STOML3: variants seen among roughly 807,000 people sequenced by gnomAD.
The protein encoded by STOML3 is stomatin like 3, also known as stomatin-like protein 3.
A neutral mutation model predicts 29.5 loss-of-function variants in STOML3; 31 were observed. That is an observed-to-expected ratio of 1.05 (90% CI 0.79 to 1.42). The LOEUF (loss-of-function observed/expected upper bound fraction) is 1.42. Among genes scored for constraint, STOML3 ranks in the 40% most tolerant of loss-of-function variants. The pLI is 0.00. For synonymous variants in STOML3, 122 were observed against 139.8 expected (o/e 0.87, Z 0.90); for missense variants, 380 against 363.0 (o/e 1.05, Z -0.38).
At chr13:38,977,061 A>G (rs1156969485) in intron 1 of STOML3, among the ~76,000 whole-genome samples, 1 of 152,266 alleles carries the variant, frequency 6.6e-6, no homozygotes, top group African/African-American at 2.4e-5. Flanking sequence ...ATTACATTTT[A>G]TAGGGCTGCC....
chr13:38,967,135 C>T, intron 6 of STOML3, 86 bp from the exon 7 acceptor site: 2 of 1,205,142 alleles, frequency 1.7e-6, no homozygotes, highest in Non-Finnish European at 2.3e-6. Flanking sequence ...ATTGATACCC[C>T]TCTCCCCAGC....
At chr13:38,969,969 A>G (rs1489683689) in intron 5 of STOML3, among the ~76,000 whole-genome samples, 2 of 152,218 alleles carry the variant, frequency 1.3e-5, no homozygotes, top group African/African-American at 4.8e-5. Context: ...CATTTTCAGC[A>G]ACTGCTTTCT....
In STOML3 at chr13:38,976,692, A is replaced by G. The variant is rs1472255070; in HGVS notation, c.156+2T>C. The G allele has an allele frequency of 1.9e-6, 3 of 1,613,934 alleles. No individual in the cohort carries two copies. The Admixed American group carries it at 5.0e-5, about 27-fold the overall frequency. On this transcript the variant is annotated splice_donor_variant, in intron 2 of 6. Transcript: ENST00000379631. LOFTEE classifies it high-confidence loss of function. Reference sequence around the variant, plus strand: ...AGCCCAGTTTATTTCCCAGGGTGTTACCTTCAAGCACATCCATATGGAGAT... The same window carrying G: ...AGCCCAGTTTATTTCCCAGGGTGTTGCCTTCAAGCACATCCATATGGAGAT...
intron 1 of STOML3, chr13:38,980,239 G>C (rs1196314154): frequency 3.6e-6 from 4 of 1,099,498 alleles, no homozygotes; most frequent in Admixed American, 4.4e-5. Flanking sequence ...TGGAGCCTGG[G>C]GGTCTCATTA....
chr13:38,989,563 T>G (rs111683449), intron 1 of STOML3, among the ~76,000 whole-genome samples: 3,209 of 152,074 alleles, frequency 0.021, 48 homozygotes, highest in South Asian at 0.054. Flanking sequence ...AGTACAGTGG[T>G]GCAATCTCAG....
At position 38,990,722 on chromosome 13, in the gene STOML3, CT is replaced by C; in HGVS notation, c.-2del. On this transcript the variant is annotated 5_prime_UTR_variant, in exon 1 of 7. Transcript: ENST00000379631. ...CAGGTGAAGACACCCTAGAATCCAT[CT>C]CATTCTTGAGAAGCTTTTATACTTG... 6.2e-7 allele frequency: 1 copy of C among 1,613,870 alleles called. No individual in the cohort carries two copies. Among genetic ancestry groups the C allele is most frequent in the Non-Finnish European group, 8.5e-7 (1 of 1,179,860 alleles).
At chr13:38,970,155 A>G (rs761208331) in intron 5 of STOML3, 30 bp downstream of exon 5, 7 of 1,582,152 alleles carry the variant, frequency 4.4e-6, no homozygotes, top group East Asian at 2.3e-5. Flanking sequence ...CAAGTTAAAG[A>G]TACAGGCTAT....
At chr13:38,985,295 C>T (rs1220723066) in intron 1 of STOML3, among the ~76,000 whole-genome samples, 1 of 152,018 alleles carries the variant, frequency 6.6e-6, no homozygotes, top group Non-Finnish European at 1.5e-5. Context: ...TGGTGGCATA[C>T]TCCTGTAATC....
In STOML3 at chr13:38,969,789, GAATTT is replaced by G. The variant is rs1220457246; in HGVS notation, c.516+391_516+395del. On this transcript the variant is annotated intron_variant, in intron 5 of 6. Transcript: ENST00000379631. ...ATGATAGGTCTATGCTGTCTCAATT[GAATTT>G]AACTTTCACACTTTATTTAAATATA... Among the ~76,000 whole-genome samples, 3 of 152,210 alleles carry G rather than the reference GAATTT, an allele frequency of 2.0e-5. No homozygotes were observed. The East Asian group carries it at 5.8e-4, about 29-fold the overall frequency.
At chr13:38,990,611 C>T in intron 1 of STOML3, 59 bp downstream of exon 1, 1 of 1,572,456 alleles carries the variant, frequency 6.4e-7, no homozygotes. Context: ...TATAATGCTA[C>T]AACTCCTGCT....
At chr13:38,972,865 A>G (rs753099592) in intron 3 of STOML3, among the ~76,000 whole-genome samples, 14 of 152,180 alleles carry the variant, frequency 9.2e-5, no homozygotes, top group Admixed American at 6.5e-5. Flanking sequence ...ATCTACTTCT[A>G]TCCAAGTGTT....
chr13:38,985,066 A>G (rs1868455827), intron 1 of STOML3, among the ~76,000 whole-genome samples: 2 of 152,190 alleles, frequency 1.3e-5, no homozygotes, highest in Non-Finnish European at 2.9e-5. Flanking sequence ...CCAAAGAACC[A>G]TATGTCCTTG....
chr13:38,968,637 T>C, intron 5 of STOML3, 103 bp from the exon 6 acceptor site: 14 of 1,409,534 alleles, frequency 9.9e-6, no homozygotes, highest in Non-Finnish European at 1.3e-5. Context: ...TTTTTTTTCT[T>C]TTTCTTTTGC....
rs1566212357 is a variant in STOML3, at chr13:38,988,933, TACAATATATTATATATACTATATTAC to T, written c.52+1711_52+1736del. Among the ~76,000 whole-genome samples, 171 of 144,934 alleles carry T rather than the reference TACAATATATTATATATACTATATTAC, an allele frequency of 1.2e-3. 1 individual carries two copies. The highest frequency in any genetic ancestry group is 4.0e-3 in the African/African-American group (161 of 39,920). On this transcript the variant is annotated intron_variant, in intron 1 of 6. Transcript: ENST00000379631. ...AATACATAATATATATACTATATTATACAATATATTATATATACTATATTACACAATATATTATATATACTATATTA... is the reference window on the plus strand; with the variant it reads ...AATACATAATATATATACTATATTATACAATATATTATATATACTATATTA...
chr13:38,990,791 G>C lies in STOML3; in HGVS notation c.-70C>G. 1.4e-6 allele frequency: 2 copies of C among 1,460,540 alleles called. No homozygotes were observed. The highest frequency in any genetic ancestry group is 1.9e-6 in the Non-Finnish European group (2 of 1,044,228). The allele number at this position is 1,460,540 out of a possible 1,614,324, so 90.5% of individuals were successfully genotyped here. On this transcript the variant is annotated 5_prime_UTR_variant, in exon 1 of 7. Coordinates refer to ENST00000379631, the MANE Select transcript of STOML3 (RefSeq NM_145286.3). ...TGGAGCTAAGTGTGAAGAACAGGCA[G>C]CAACTCAGATGTGCTTGGGAGAGGG...
intron 1 of STOML3, among the ~76,000 whole-genome samples, chr13:38,983,999 T>G (rs188656418): frequency 1.4e-4 from 22 of 152,292 alleles, no homozygotes; most frequent in African/African-American, 5.3e-4. Context: ...TTGAGCATCC[T>G]TCTTCAGGCC....
chr13:38,966,918 ATTC>A lies in STOML3; in HGVS notation c.780_782del (p.Lys260del). The A allele has an allele frequency of 1.2e-6, 2 of 1,614,058 alleles. No individual in the cohort carries two copies. The highest frequency in any genetic ancestry group is 1.7e-6 in the Non-Finnish European group (2 of 1,180,006). On this transcript the variant is annotated inframe_deletion, in exon 7 of 7. Coordinates refer to ENST00000379631, the MANE Select transcript of STOML3 (RefSeq NM_145286.3). ...TGGGCAGAGGAAACACAATCGTAGA[ATTC>A]TTCTCGGTGGCTACCGTGCTCAAGG... is the stretch of plus-strand genomic sequence containing the variant.
intron 1 of STOML3, among the ~76,000 whole-genome samples, chr13:38,988,011 T>G (rs183534931): frequency 6.6e-4 from 53 of 79,712 alleles, no homozygotes; most frequent in African/African-American, 2.1e-3. Context: ...TATCATATAT[T>G]TTATATATAA....
At chr13:38,985,866 C>T (rs1593508408) in intron 1 of STOML3, among the ~76,000 whole-genome samples, 1 of 140,314 alleles carries the variant, frequency 7.1e-6, no homozygotes, top group African/African-American at 2.6e-5. Flanking sequence ...GAATATTAAC[C>T]AAAATATTAA....
Sources: gnomAD v4.1 joint callset for allele counts (sites outside exome capture counted in the v4.1 genomes callset) on GRCh38, gnomAD v4.1.1 for gene constraint, MANE v1.5 for transcripts, NCBI Gene and HGNC (gene_info 2026-07-23, HGNC 2026-07-21) for gene names.